INSYN2B: variants seen among roughly 807,000 people sequenced by gnomAD.
INSYN2B encodes the protein inhibitory synaptic factor family member 2B, also known as protein INSYN2B.
A neutral mutation model predicts 41.2 loss-of-function variants in INSYN2B; 16 were observed. The observed-to-expected ratio is 0.39, with a 90% CI of 0.26 to 0.59. The LOEUF (loss-of-function observed/expected upper bound fraction) is 0.59. INSYN2B is among the 20% of genes least tolerant of loss of function. INSYN2B has a pLI of 0.57. For synonymous variants in INSYN2B, 245 were observed against 244.4 expected, an observed-to-expected ratio of 1.00 and a Z score of -0.02; for missense variants, 608 against 646.4, an observed-to-expected ratio of 0.94 and a Z score of 0.64.
At chr5:169,879,049 C>T (rs1772485461) in intron 3 of INSYN2B, among the ~76,000 whole-genome samples, 1 of 152,142 alleles carries the variant, frequency 6.6e-6, no homozygotes, top group South Asian at 2.1e-4. Flanking sequence ...CAGATGACCC[C>T]ACATGTCTTG....
At chr5:169,975,793 G>T (rs542618584) in intron 1 of INSYN2B, among the ~76,000 whole-genome samples, 1 of 152,040 alleles carries the variant, frequency 6.6e-6, no homozygotes, top group Non-Finnish European at 1.5e-5. Context: ...TCTGTTCCTG[G>T]CTCTTCCCAA....
chr5:169,875,016 C>A (rs1772230894), intron 3 of INSYN2B, among the ~76,000 whole-genome samples: 1 of 151,956 alleles, frequency 6.6e-6, no homozygotes, highest in Non-Finnish European at 1.5e-5. Flanking sequence ...ATCATCTAAC[C>A]CTAAAATCAA....
intron 1 of INSYN2B, among the ~76,000 whole-genome samples, chr5:169,976,681 G>C (rs576792910): frequency 6.6e-6 from 1 of 152,218 alleles, no homozygotes; most frequent in Non-Finnish European, 1.5e-5. Flanking sequence ...CAAATGAAGA[G>C]TGTGTAATGA....
At chr5:169,926,246 T>C (rs1236639252) in intron 1 of INSYN2B, among the ~76,000 whole-genome samples, 1 of 152,206 alleles carries the variant, frequency 6.6e-6, no homozygotes. Flanking sequence ...ACTCACCTGA[T>C]TGTCTCTCAC....
rs549402032 is a variant in INSYN2B, at chr5:169,927,822, T to A, written c.-918-43006A>T. Among the ~76,000 whole-genome samples the A allele has an allele frequency of 1.8e-4, 27 of 152,292 alleles. 1 individual carries two copies. The South Asian group carries it at 5.6e-3, about 32-fold the overall frequency. On this transcript the variant is annotated intron_variant, in intron 1 of 3. Coordinates refer to ENST00000377365, the MANE Select transcript of INSYN2B (RefSeq NM_001129891.3). ...TAGTAGAGATGGGGTTTCACTGTGT[T>A]AGCCAGGATGGTCTCAATCTCCTGA...
intron 1 of INSYN2B, among the ~76,000 whole-genome samples, chr5:169,967,532 G>A (rs975537320): frequency 5.3e-5 from 8 of 152,138 alleles, no homozygotes; most frequent in Admixed American, 3.3e-4. Flanking sequence ...AGGCTGAAAA[G>A]GGAAGAGGGA....
intron 3 of INSYN2B, among the ~76,000 whole-genome samples, chr5:169,873,366 G>A (rs1040983359): frequency 1.5e-4 from 23 of 152,188 alleles, no homozygotes; most frequent in Non-Finnish European, 1.5e-4. Context: ...TTTAAGCTGT[G>A]TTTGCTATTG....
chr5:169,944,841 C>T (rs1344241958), intron 1 of INSYN2B, among the ~76,000 whole-genome samples: 1 of 152,220 alleles, frequency 6.6e-6, no homozygotes, highest in Non-Finnish European at 1.5e-5. Context: ...CCTTCCTCCT[C>T]CATCTGCCTT....
At chr5:169,949,035 T>C (rs1270091710) in intron 1 of INSYN2B, among the ~76,000 whole-genome samples, 2 of 152,172 alleles carry the variant, frequency 1.3e-5, no homozygotes, top group East Asian at 3.9e-4. Flanking sequence ...AACCTTAGAA[T>C]CACCACGTTC....
At chr5:169,918,379 T>A (rs996282516) in intron 1 of INSYN2B, among the ~76,000 whole-genome samples, 1 of 152,158 alleles carries the variant, frequency 6.6e-6, no homozygotes, top group Admixed American at 6.5e-5. Context: ...CTCACACACA[T>A]GTACAAGGAG....
chr5:169,945,505 T>G (rs1394188616), intron 1 of INSYN2B, among the ~76,000 whole-genome samples: 3 of 152,260 alleles, frequency 2.0e-5, no homozygotes, highest in Non-Finnish European at 4.4e-5. Flanking sequence ...GTATGTGTTG[T>G]CTCATGCAAT....
Position 169,891,928 on chromosome 5 carries a change from G to A in INSYN2B, c.-918-7112C>T, listed in dbSNP as rs1243397927. Among the ~76,000 whole-genome samples the A allele has an allele frequency of 1.5e-4, 22 of 151,100 alleles. No homozygotes were observed. In the South Asian group the frequency reaches 3.1e-3, roughly 22 times the overall value. The stretch of plus-strand genomic sequence containing the variant: ...AGAGAATCGCTTGAACCTGGGAGGC[G>A]GAGGTTGCAGTGAGCCGAGATTGTG... On this transcript the variant is annotated intron_variant, in intron 1 of 3. Coordinates refer to ENST00000377365, the MANE Select transcript of INSYN2B (RefSeq NM_001129891.3).
chr5:169,890,056 T>C (rs533907949), intron 1 of INSYN2B, among the ~76,000 whole-genome samples: 1 of 152,348 alleles, frequency 6.6e-6, no homozygotes, highest in East Asian at 1.9e-4. Context: ...TATCCCTGTT[T>C]TAAAGAAGAC....
chr5:169,912,522 C>T (rs1435291235), intron 1 of INSYN2B, among the ~76,000 whole-genome samples: 2 of 152,084 alleles, frequency 1.3e-5, no homozygotes, highest in African/African-American at 2.4e-5. Flanking sequence ...AGCATTCTCC[C>T]CTGTCTTAAT....
chr5:169,960,891 T>G (rs900238380), intron 1 of INSYN2B, among the ~76,000 whole-genome samples: 1 of 152,232 alleles, frequency 6.6e-6, no homozygotes, highest in Non-Finnish European at 1.5e-5. Flanking sequence ...TGTACAGGTA[T>G]GCATGCATAG....
At chr5:169,946,144 A>G (rs1289727137) in intron 1 of INSYN2B, among the ~76,000 whole-genome samples, 1 of 152,194 alleles carries the variant, frequency 6.6e-6, no homozygotes, top group Non-Finnish European at 1.5e-5. Flanking sequence ...GGAGTGATCT[A>G]ACAGTCTCCC....
intron 1 of INSYN2B, among the ~76,000 whole-genome samples, chr5:169,917,309 A>G (rs1445992806): frequency 1.3e-5 from 2 of 152,200 alleles, no homozygotes; most frequent in African/African-American, 4.8e-5. Context: ...CCAAGTGTCA[A>G]TAAATACCAA....
chr5:169,927,215 T>C (rs954309237), intron 1 of INSYN2B, among the ~76,000 whole-genome samples: 30 of 152,050 alleles, frequency 2.0e-4, no homozygotes, highest in African/African-American at 7.2e-4. Context: ...TGGAGAGTCA[T>C]GAGAGAAGGG....
chr5:169,903,654 A>C (rs1430387628), intron 1 of INSYN2B, among the ~76,000 whole-genome samples: 1 of 152,090 alleles, frequency 6.6e-6, no homozygotes, highest in Non-Finnish European at 1.5e-5. Context: ...CTTTTGTGGA[A>C]CTGATAGAAG....
Sources: gnomAD v4.1 joint callset for allele counts (sites outside exome capture counted in the v4.1 genomes callset) on GRCh38, gnomAD v4.1.1 for gene constraint, MANE v1.5 for transcripts, NCBI Gene and HGNC (gene_info 2026-07-23, HGNC 2026-07-21) for gene names.